The following ZFPM2 variants were observed in gnomAD, a reference collection of about 807,000 sequenced individuals.
ZFPM2 encodes zinc finger protein, FOG family member 2.
In ZFPM2, 20 loss-of-function variants were observed where a neutral mutation model predicts 98.6. That is an observed-to-expected ratio of 0.20 (90% CI 0.14 to 0.29). ZFPM2 has a LOEUF of 0.29. Among genes scored for constraint, ZFPM2 ranks in the 10% least tolerant of loss-of-function variants. The pLI, the probability that ZFPM2 is intolerant of heterozygous loss-of-function variation, is 1.00. For synonymous variants in ZFPM2, 518 were observed against 502.7 expected, an observed-to-expected ratio of 1.03 and a Z score of -0.41; for missense variants, 1,310 against 1,388.6, an observed-to-expected ratio of 0.94 and a Z score of 0.90.
chr8:105,742,493 G>A (rs1402281948), intron 5 of ZFPM2, among the ~76,000 whole-genome samples: 3 of 151,812 alleles, frequency 2.0e-5, no homozygotes, highest in East Asian at 2.0e-4. Flanking sequence ...AGATAAGAGA[G>A]GGTCGTGATT....
At chr8:105,500,859 A>G (rs1813577433) in intron 3 of ZFPM2, among the ~76,000 whole-genome samples, 1 of 152,200 alleles carries the variant, frequency 6.6e-6, no homozygotes, top group Non-Finnish European at 1.5e-5. Flanking sequence ...TAAGGCAAAT[A>G]TGTAGATGTC....
chr8:105,454,768 G>A (rs1485608737), intron 3 of ZFPM2, among the ~76,000 whole-genome samples: 1 of 152,180 alleles, frequency 6.6e-6, no homozygotes, highest in African/African-American at 2.4e-5. Flanking sequence ...CATAAAGAAA[G>A]GGGAGGGTAA....
At chr8:105,465,987 T>C (rs530462660) in intron 3 of ZFPM2, among the ~76,000 whole-genome samples, 5 of 152,098 alleles carry the variant, frequency 3.3e-5, no homozygotes, top group Non-Finnish European at 7.4e-5. Context: ...AACATTCAAG[T>C]GAGAGCATTT....
chr8:105,326,560 A>C (rs2130656508), intron 1 of ZFPM2, among the ~76,000 whole-genome samples: 1 of 151,284 alleles, frequency 6.6e-6, no homozygotes, highest in Non-Finnish European at 1.5e-5. Flanking sequence ...GTAGCTAAAA[A>C]CTCTTTTTAT....
intron 1 of ZFPM2, among the ~76,000 whole-genome samples, chr8:105,345,228 C>T (rs1812497753): frequency 6.6e-6 from 1 of 152,054 alleles, no homozygotes; most frequent in Admixed American, 6.6e-5. Flanking sequence ...AATTTTTCCC[C>T]TATCATAAAT....
chr8:105,664,390 G>A (rs1335431801), intron 5 of ZFPM2, among the ~76,000 whole-genome samples: 1 of 151,342 alleles, frequency 6.6e-6, no homozygotes, highest in East Asian at 2.0e-4. Context: ...TGCCCAGGCT[G>A]GAGTGCACAA....
At chr8:105,715,973 G>A (rs1202031791) in intron 5 of ZFPM2, among the ~76,000 whole-genome samples, 1 of 151,858 alleles carries the variant, frequency 6.6e-6, no homozygotes, top group Non-Finnish European at 1.5e-5. Flanking sequence ...CAGAGTTACT[G>A]TATTTCAAAA....
At chr8:105,628,789 T>C (rs1816705339) in intron 4 of ZFPM2, among the ~76,000 whole-genome samples, 1 of 152,050 alleles carries the variant, frequency 6.6e-6, no homozygotes, top group South Asian at 2.1e-4. Flanking sequence ...TTACCATCCT[T>C]CAATTTGTTC....
At chr8:105,576,333 G>A (rs1328316958) in intron 4 of ZFPM2, among the ~76,000 whole-genome samples, 2 of 151,998 alleles carry the variant, frequency 1.3e-5, no homozygotes, top group South Asian at 2.1e-4. Context: ...AAACATAGAG[G>A]CACAAAAAAT....
intron 2 of ZFPM2, among the ~76,000 whole-genome samples, chr8:105,429,156 T>C (rs1311234301): frequency 6.6e-6 from 1 of 152,218 alleles, no homozygotes; most frequent in East Asian, 1.9e-4. Flanking sequence ...CGATTTGATG[T>C]AATTTCTATT....
intron 3 of ZFPM2, among the ~76,000 whole-genome samples, chr8:105,545,984 C>T (rs1274850523): frequency 6.6e-6 from 1 of 152,086 alleles, no homozygotes; most frequent in Non-Finnish European, 1.5e-5. Flanking sequence ...CCCTTTACAG[C>T]CACATACCTC....
intron 5 of ZFPM2, among the ~76,000 whole-genome samples, chr8:105,669,791 T>C (rs1478829815): frequency 2.6e-5 from 4 of 152,190 alleles, no homozygotes; most frequent in Non-Finnish European, 5.9e-5. Flanking sequence ...ACTACAGCTA[T>C]GTCATGTAGG....
intron 5 of ZFPM2, among the ~76,000 whole-genome samples, chr8:105,749,599 G>A (rs1325694663): frequency 6.6e-6 from 1 of 151,926 alleles, no homozygotes; most frequent in Admixed American, 6.6e-5. Flanking sequence ...CTCTCTTTGT[G>A]AGCTGTCCTC....
intron 5 of ZFPM2, among the ~76,000 whole-genome samples, chr8:105,719,751 CA>C (rs1234960352): frequency 6.6e-5 from 10 of 151,888 alleles, no homozygotes; most frequent in Non-Finnish European, 4.4e-5. Flanking sequence ...TTAGTCTTTA[CA>C]CCTTTCAATG....
chr8:105,537,639 AT>A (rs1436484091), intron 3 of ZFPM2, among the ~76,000 whole-genome samples: 2 of 152,184 alleles, frequency 1.3e-5, no homozygotes, highest in Non-Finnish European at 2.9e-5. Context: ...CTATGATCAC[AT>A]CACTGCATTT....
chr8:105,430,719 T>C (rs751717748), intron 2 of ZFPM2, among the ~76,000 whole-genome samples: 1 of 152,084 alleles, frequency 6.6e-6, no homozygotes, highest in Non-Finnish European at 1.5e-5. Context: ...TGATAACTTA[T>C]TTGGGACTGT....
chr8:105,393,376 T>G (rs568190844), intron 1 of ZFPM2, among the ~76,000 whole-genome samples: 2,281 of 110,400 alleles, frequency 0.021, 76 homozygotes, highest in African/African-American at 0.073. Flanking sequence ...CTTTCTTTCT[T>G]TCTTTCTTTC....
intron 1 of ZFPM2, among the ~76,000 whole-genome samples, chr8:105,417,579 A>C (rs1811703503): frequency 6.6e-6 from 1 of 152,170 alleles, no homozygotes; most frequent in African/African-American, 2.4e-5. Flanking sequence ...ATTATCAAAT[A>C]AATGGTTTAA....
chr8:105,668,191 T>C (rs1242243088), intron 5 of ZFPM2, among the ~76,000 whole-genome samples: 1 of 152,220 alleles, frequency 6.6e-6, no homozygotes, highest in African/African-American at 2.4e-5. Context: ...GGGAAATGGC[T>C]CAGGTGTGCT....
Sources: gnomAD v4.1 joint callset for allele counts (sites outside exome capture counted in the v4.1 genomes callset) on GRCh38, gnomAD v4.1.1 for gene constraint, MANE v1.5 for transcripts, NCBI Gene and HGNC (gene_info 2026-07-23, HGNC 2026-07-21) for gene names.